TSC2: variants seen among roughly 807,000 people sequenced by gnomAD.
The protein encoded by TSC2 is tuberin.
A neutral mutation model predicts 202.2 loss-of-function variants in TSC2; 29 were observed. The observed-to-expected ratio is 0.14, with a 90% CI of 0.11 to 0.20. TSC2 has a LOEUF of 0.20. Ranked by LOEUF, TSC2 falls within the 10% of genes least tolerant of loss-of-function variation. TSC2 has a pLI of 1.00. For missense variants in TSC2, 2,429 were observed against 2,420.0 expected (o/e 1.00, Z -0.08); for synonymous variants, 1,349 against 1,044.0 (o/e 1.29, Z -5.63).
chr16:2,065,669 G>T (rs1488266408), intron 16 of TSC2, 34 bp downstream of exon 16: 1 of 1,575,012 alleles, frequency 6.3e-7, no homozygotes, highest in Non-Finnish European at 8.7e-7. Flanking sequence ...TGCTCCCGGG[G>T]CGCGCATGGC....
intron 20 of TSC2, 69 bp from the exon 21 acceptor site, chr16:2,072,780 C>T: frequency 6.2e-7 from 1 of 1,610,766 alleles, no homozygotes; most frequent in Non-Finnish European, 8.5e-7. Context: ...CCAGGGCCTC[C>T]CCAGCCCCTC....
At chr16:2,061,614 C>G (rs769752997) in intron 11 of TSC2, 1 of 554,454 alleles carries the variant, frequency 1.8e-6, no homozygotes, top group African/African-American at 1.9e-5. Context: ...ATCACAGCCA[C>G]TGTGGCCCCT....
chr16:2,061,686 G>A (rs1384713235), intron 11 of TSC2, 185 bp from the exon 12 acceptor site: 1 of 937,794 alleles, frequency 1.1e-6, no homozygotes, highest in African/African-American at 1.6e-5. Flanking sequence ...AGAGGATCTG[G>A]GGGTGTCTCA....
rs1056012948 is a variant in TSC2, at chr16:2,047,998, T to A, written c.-97T>A. ...AGTGCGGGTCGCGCTTCCGGCGGCG[T>A]CCCGGGGCCAGGGGGGTGCGCCTTT... On this transcript the variant is annotated 5_prime_UTR_variant, in exon 1 of 42. Coordinates refer to ENST00000219476, the MANE Select transcript of TSC2 (RefSeq NM_000548.5). The A allele has an allele frequency of 3.3e-6, 5 of 1,507,766 alleles. No homozygotes were observed. The highest frequency in any genetic ancestry group is 4.0e-5 in the Admixed American group (2 of 49,404). 93.4% of individuals were successfully genotyped at this position (1,507,766 alleles called of 1,614,324 possible).
At chr16:2,078,161 C>T (rs952685936) in intron 26 of TSC2, 46 of 241,224 alleles carry the variant, frequency 1.9e-4, no homozygotes, top group African/African-American at 1.0e-3. Context: ...TGGGGTGGGG[C>T]AGCCTGGGAG....
chr16:2,059,952 C>G (rs12185167), intron 10 of TSC2, among the ~76,000 whole-genome samples: 117 of 152,246 alleles, frequency 7.7e-4, no homozygotes, highest in African/African-American at 2.7e-3. Context: ...TGAGCCACTG[C>G]GCGCAGCCCA....
chr16:2,083,144 C>T (rs766511794), intron 32 of TSC2: 41 of 456,522 alleles, frequency 9.0e-5, no homozygotes, highest in Non-Finnish European at 1.6e-4. Context: ...TCTGTTGCTG[C>T]TTCTACTTCC....
intron 32 of TSC2, chr16:2,082,842 A>T (rs1436718417): frequency 2.2e-6 from 1 of 460,142 alleles, no homozygotes; most frequent in East Asian, 4.2e-5. Context: ...GGGGAAGCCC[A>T]CCCCTGGGCC....
chr16:2,067,346 G>C (rs2087532690), intron 16 of TSC2, among the ~76,000 whole-genome samples: 1 of 151,652 alleles, frequency 6.6e-6, no homozygotes, highest in South Asian at 2.1e-4. Flanking sequence ...ATTTTTTGTA[G>C]AGATGGGGTC....
chr16:2,064,389 A>G lies in TSC2; in HGVS notation c.1561A>G (p.Thr521Ala), dbSNP rs1279109316. 3.7e-6 allele frequency: 6 copies of G among 1,613,722 alleles called. No homozygotes were observed. The highest frequency in any genetic ancestry group is 5.1e-6 in the Non-Finnish European group (6 of 1,180,024). ...LLVDLAEGCH[T>A]HHFNSLLDII... ...GGTGGACCTGGCAGAGGGCTGCCACACACACCACTTCAACAGCCTGCTGGA... is the reference window on the plus strand; with the variant it reads ...GGTGGACCTGGCAGAGGGCTGCCACGCACACCACTTCAACAGCCTGCTGGA... Residue 521 changes from threonine to alanine, a missense_variant, in exon 15 of 42, where the codon ACA becomes GCA. By Grantham distance (58) the Thr-to-Ala change is moderately conservative. Coordinates refer to ENST00000219476, the MANE Select transcript of TSC2 (RefSeq NM_000548.5).
chr16:2,065,753 C>T, intron 16 of TSC2, 118 bp downstream of exon 16: 6 of 930,462 alleles, frequency 6.4e-6, no homozygotes, highest in Admixed American at 1.7e-5. Context: ...CCTGGATTTG[C>T]TGAGGGTGCG....
rs138527121 is a variant in TSC2 at position 2,075,874 on chromosome 16, C to T, written c.2621C>T (p.Pro874Leu). The change falls in exon 23 of 42, where the codon CCG becomes CTG. Residue 874 changes from proline (P) to leucine (L), a missense_variant. By Grantham distance (98) the Pro-to-Leu change is moderately conservative. Transcript: ENST00000219476. ...GCCAGTGTGTTCGCCATCTCCCTGC[C>T]GTACACCAACCCCTCCAAGTGAGTG... ...QYASVFAISL[P>L]YTNPSKFNQY... is the part of the protein sequence containing the mutation. 16 of 1,613,072 alleles carry T rather than the reference C, an allele frequency of 9.9e-6. No individual in the cohort carries two copies. The highest frequency in any genetic ancestry group is 1.1e-5 in the South Asian group (1 of 91,090).
chr16:2,087,877 T>G lies in TSC2; in HGVS notation c.5004T>G (p.Phe1668Leu), dbSNP rs745787082. Residue 1668 changes from phenylalanine to leucine, a missense_variant, in exon 39 of 42, where the codon TTT becomes TTG. Phe to Leu is a conservative substitution (Grantham distance 22). Transcript: ENST00000219476. ...TGTCCGGGCAGGGCCAGTTCAACTT[T>G]GTCCACGTGATCGTCACCCCGCTGG... ...KLGTIKGQFN[F>L]VHVIVTPLDY... The G allele has an allele frequency of 1.2e-6, 2 of 1,612,638 alleles. No homozygotes were observed. The highest frequency in any genetic ancestry group is 1.7e-6 in the Non-Finnish European group (2 of 1,179,956).
intron 9 of TSC2, among the ~76,000 whole-genome samples, chr16:2,058,205 C>T (rs2086143104): frequency 1.3e-5 from 2 of 152,160 alleles, no homozygotes; most frequent in African/African-American, 4.8e-5. Context: ...CTCTCCCAGC[C>T]CTGCCCCACC....
At position 2,065,539 on chromosome 16, in the gene TSC2, C is replaced by T. The variant is rs2151207054; in HGVS notation, c.1620C>T (p.Ser540=). 6.2e-7 allele frequency: 1 copy of T among 1,613,770 alleles called. No individual in the cohort carries two copies. Among genetic ancestry groups the T allele is most frequent in the Non-Finnish European group, 8.5e-7 (1 of 1,179,988 alleles). ...IIEKVMARSL[S]PPPELEERDV... ...CAAAGGTGATGGCCCGCTCCCTCTC[C>T]CCACCCCCGGAGCTGGAAGAAAGGG... The change falls in exon 16 of 42, where the codon TCC becomes TCT. Residue 540 remains serine (S), a synonymous_variant. Transcript: ENST00000219476.
chr16:2,084,419 G>A lies in TSC2; in HGVS notation c.4197G>A (p.Gly1399=), dbSNP rs2151527039. 1 of 1,611,288 alleles carries A rather than the reference G, an allele frequency of 6.2e-7. No individual in the cohort carries two copies. Among genetic ancestry groups the A allele is most frequent in the Non-Finnish European group, 8.5e-7 (1 of 1,179,424 alleles). ...PELQTLQDIL[G]DPGDKADVGR... ...TGCAGACTCTGCAGGACATCCTCGG[G>A]GACCCTGGGGACAAGGCCGACGTGG... The change falls in exon 34 of 42, where the codon GGG becomes GGA. Residue 1399 remains glycine (G), a synonymous_variant. Coordinates refer to ENST00000219476, the MANE Select transcript of TSC2 (RefSeq NM_000548.5).
chr16:2,051,652 G>T (rs566379380), intron 3 of TSC2, among the ~76,000 whole-genome samples: 195 of 152,344 alleles, frequency 1.3e-3, no homozygotes, highest in Admixed American at 2.1e-3. Flanking sequence ...TTGTGTGTGG[G>T]AGAGCAGTGA....
At chr16:2,054,790 C>CT (rs1245227474) in intron 5 of TSC2, 1 of 401,912 alleles carries the variant, frequency 2.5e-6, no homozygotes, top group Non-Finnish European at 4.7e-6. Context: ...CTTCCTCCTC[C>CT]TTTCTCCACT....
intron 31 of TSC2, 57 bp downstream of exon 31, chr16:2,081,855 G>T: frequency 6.3e-7 from 1 of 1,586,390 alleles, no homozygotes; most frequent in South Asian, 1.1e-5. Context: ...TGGTGCTCCC[G>T]GTGACGGCAA....
Sources: gnomAD v4.1 joint callset for allele counts (sites outside exome capture counted in the v4.1 genomes callset) on GRCh38, gnomAD v4.1.1 for gene constraint, MANE v1.5 for transcripts, NCBI Gene and HGNC (gene_info 2026-07-23, HGNC 2026-07-21) for gene names.